Variants in ANO4 observed in about 807,000 individuals in gnomAD.
ANO4 encodes the protein anoctamin-4.
In ANO4, 69 loss-of-function variants were observed where a neutral mutation model predicts 141.9. The observed-to-expected ratio is 0.49, with a 90% CI of 0.40 to 0.59. The LOEUF (loss-of-function observed/expected upper bound fraction) is 0.59, where lower values mean the gene tolerates loss of function less well. Among genes scored for constraint, ANO4 ranks in the 20% least tolerant of loss-of-function variants. ANO4 has a pLI of 0.00. For missense variants in ANO4, 894 were observed against 1,162.2 expected, an observed-to-expected ratio of 0.77 and a Z score of 3.36; for synonymous variants, 350 against 394.3, an observed-to-expected ratio of 0.89 and a Z score of 1.33.
At chr12:101,063,071 C>G (rs2373409) in intron 14 of ANO4, among the ~76,000 whole-genome samples, 101,885 of 151,390 alleles carry the variant, frequency 0.67, 34,770 homozygotes, top group East Asian at 0.88. Context: ...GGAAAAGATA[C>G]TAATCTGGGC....
chr12:101,094,024 ATAGT>A (rs1418084092), intron 17 of ANO4, among the ~76,000 whole-genome samples: 1 of 152,160 alleles, frequency 6.6e-6, no homozygotes, highest in African/African-American at 2.4e-5. Flanking sequence ...GATTTTATAA[ATAGT>A]TAGATAGGAC....
chr12:100,772,806 A>G (rs2033353566), intron 3 of ANO4, among the ~76,000 whole-genome samples: 1 of 152,182 alleles, frequency 6.6e-6, no homozygotes, highest in Non-Finnish European at 1.5e-5. Context: ...TTAATTATTG[A>G]GTAGATAGAA....
At chr12:101,100,986 AG>A (rs1307977149) in intron 22 of ANO4, among the ~76,000 whole-genome samples, 1 of 152,216 alleles carries the variant, frequency 6.6e-6, no homozygotes, top group Non-Finnish European at 1.5e-5. Context: ...TTGTAAATAA[AG>A]TTTTATTGGA....
intron 1 of ANO4, among the ~76,000 whole-genome samples, chr12:100,832,626 T>C (rs968632816): frequency 6.6e-6 from 1 of 152,144 alleles, no homozygotes; most frequent in African/African-American, 2.4e-5. Context: ...AGTTGAGGAA[T>C]AGTCAGCTAA....
At chr12:100,753,993 G>T (rs1441757770) in intron 3 of ANO4, among the ~76,000 whole-genome samples, 1 of 152,150 alleles carries the variant, frequency 6.6e-6, no homozygotes, top group East Asian at 1.9e-4. Flanking sequence ...CCACTCATTT[G>T]CAGTCATCAT....
intron 14 of ANO4, among the ~76,000 whole-genome samples, chr12:101,052,564 G>A (rs945347742): frequency 3.3e-5 from 5 of 152,016 alleles, no homozygotes; most frequent in African/African-American, 9.7e-5. Flanking sequence ...CACCAAGCAA[G>A]ATCCACAAAG....
intron 8 of ANO4, among the ~76,000 whole-genome samples, chr12:100,996,141 T>C (rs559831081): frequency 5.6e-4 from 86 of 152,246 alleles, no homozygotes; most frequent in Non-Finnish European, 1.1e-3. Context: ...AGGATTCACA[T>C]CTGATACTAA....
intron 9 of ANO4, among the ~76,000 whole-genome samples, chr12:101,035,120 A>G (rs1231204115): frequency 6.6e-6 from 1 of 152,200 alleles, no homozygotes; most frequent in Non-Finnish European, 1.5e-5. Context: ...TTAATTTGTA[A>G]TAGCCCCCAA....
intron 1 of ANO4, among the ~76,000 whole-genome samples, chr12:100,812,298 G>T (rs970907312): frequency 6.6e-6 from 1 of 152,130 alleles, no homozygotes; most frequent in Non-Finnish European, 1.5e-5. Context: ...AGACCCTGAT[G>T]ATGGTGCCTT....
At chr12:100,942,187 G>C (rs923131440) in intron 4 of ANO4, among the ~76,000 whole-genome samples, 190 bp from the exon 5 acceptor site, 1 of 151,952 alleles carries the variant, frequency 6.6e-6, no homozygotes, top group Admixed American at 6.6e-5. Flanking sequence ...CACCATATTG[G>C]CCAGGCTGGT....
intron 4 of ANO4, among the ~76,000 whole-genome samples, chr12:100,940,709 G>T (rs2042474294): frequency 6.6e-6 from 1 of 152,098 alleles, no homozygotes; most frequent in African/African-American, 2.4e-5. Context: ...CTTCAGGTCT[G>T]GCATGTTTAC....
At chr12:100,901,542 A>T (rs2040590938) in intron 1 of ANO4, 104 bp from the exon 2 acceptor site, 1 of 540,998 alleles carries the variant, frequency 1.8e-6, no homozygotes, top group Non-Finnish European at 3.3e-6. Context: ...TAAGAATTTG[A>T]AACATGGTTG....
At chr12:100,916,848 T>G (rs2041364893) in intron 2 of ANO4, among the ~76,000 whole-genome samples, 1 of 152,142 alleles carries the variant, frequency 6.6e-6, no homozygotes, top group Non-Finnish European at 1.5e-5. Flanking sequence ...ATCAAGAAAC[T>G]TATGTTTGAA....
chr12:100,880,469 T>C (rs563204636), intron 1 of ANO4, among the ~76,000 whole-genome samples: 7 of 152,352 alleles, frequency 4.6e-5, no homozygotes, highest in African/African-American at 1.7e-4. Context: ...GTCCAGACTT[T>C]AACTCAGAGG....
intron 1 of ANO4, among the ~76,000 whole-genome samples, chr12:100,890,779 C>A (rs1378561851): frequency 6.6e-6 from 1 of 152,148 alleles, no homozygotes; most frequent in Non-Finnish European, 1.5e-5. Context: ...AATTGATGAA[C>A]CTACATTGAC....
At chr12:100,843,661 A>G (rs2037399276) in intron 1 of ANO4, among the ~76,000 whole-genome samples, 1 of 152,056 alleles carries the variant, frequency 6.6e-6, no homozygotes. Flanking sequence ...AATGATTACT[A>G]CTCCTTCAAA....
intron 14 of ANO4, chr12:101,066,668 GCGGT>G: frequency 1.6e-6 from 1 of 624,352 alleles, no homozygotes; most frequent in Admixed American, 2.4e-5. Flanking sequence ...TCATGGCCCT[GCGGT>G]CGGCGGCCTC....
At chr12:100,907,259 A>G (rs183361719) in intron 2 of ANO4, among the ~76,000 whole-genome samples, 1 of 152,176 alleles carries the variant, frequency 6.6e-6, no homozygotes, top group East Asian at 1.9e-4. Context: ...GCTTTTTAGT[A>G]TTTCTCAAGC....
chr12:101,123,745 G>A (rs1050726313), intron 26 of ANO4, among the ~76,000 whole-genome samples: 3 of 152,122 alleles, frequency 2.0e-5, no homozygotes. Flanking sequence ...TTGATTCTAT[G>A]CCTTTGCTAT....
Sources: allele counts gnomAD v4.1 joint callset (sites outside exome capture counted in the v4.1 genomes callset), GRCh38; gene constraint gnomAD v4.1.1; transcripts MANE v1.5; gene names NCBI Gene and HGNC (gene_info 2026-07-23, HGNC 2026-07-21).